Variants in NELL2 observed in about 807,000 individuals in gnomAD.
The protein encoded by NELL2 is protein kinase C-binding protein NELL2.
Under a neutral mutation model 109.6 loss-of-function variants are expected in NELL2, and 41 were observed. The ratio of observed to expected loss-of-function variants is 0.37; its 90% CI spans 0.29 to 0.49. The LOEUF (loss-of-function observed/expected upper bound fraction) is 0.49. NELL2 is among the 20% of genes least tolerant of loss of function. The pLI is 0.98. For missense variants in NELL2, 900 were observed against 1,008.3 expected (o/e 0.89, Z 1.45); for synonymous variants, 355 against 344.7 (o/e 1.03, Z -0.33).
intron 2 of NELL2, among the ~76,000 whole-genome samples, chr12:44,824,257 A>C (rs1297488416): frequency 6.6e-6 from 1 of 152,174 alleles, no homozygotes; most frequent in African/African-American, 2.4e-5. Flanking sequence ...TTAGTGCAGA[A>C]ACTTTTTAGT....
rs917630772 is a variant in NELL2, at chr12:44,570,128, T to C, written c.1663+37041A>G. 4.6e-5 allele frequency among the ~76,000 whole-genome samples: 7 copies of C among 152,348 alleles called. No homozygotes were observed. In the South Asian group the frequency reaches 1.4e-3, roughly 32 times the overall value. On this transcript the variant is annotated intron_variant, in intron 15 of 19. Transcript: ENST00000429094. ...TTAATGAAAAGGAAGCACAATGTGA[T>C]TGAGAATGTAATACGGAATTATAGT...
intron 15 of NELL2, among the ~76,000 whole-genome samples, chr12:44,564,290 T>C (rs1475379791): frequency 6.6e-6 from 1 of 152,168 alleles, no homozygotes; most frequent in Non-Finnish European, 1.5e-5. Flanking sequence ...TATTTTGTAA[T>C]GGGGCAGCAT....
intron 11 of NELL2, among the ~76,000 whole-genome samples, chr12:44,710,525 A>G (rs1455092788): frequency 2.6e-5 from 4 of 152,122 alleles, no homozygotes; most frequent in African/African-American, 9.7e-5. Context: ...AGGCACATAT[A>G]ATTTCATGAT....
At chr12:44,898,224 G>A (rs967863437) in intron 1 of NELL2, among the ~76,000 whole-genome samples, 1 of 151,720 alleles carries the variant, frequency 6.6e-6, no homozygotes, top group African/African-American at 2.4e-5. Flanking sequence ...TCTGAAGAGA[G>A]CAGCAGATCT....
intron 1 of NELL2, among the ~76,000 whole-genome samples, chr12:44,892,539 T>C (rs903903678): frequency 1.3e-5 from 2 of 152,230 alleles, no homozygotes; most frequent in South Asian, 4.1e-4. Flanking sequence ...GGCTCATGCC[T>C]GTAATCCCAG....
rs1942439376 is a variant in NELL2 at position 44,791,663 on chromosome 12, G to C, written c.336-11641C>G. The stretch of plus-strand genomic sequence containing the variant: ...ACTAAAAAAAAATAGTGGAGCTGGA[G>C]CTTTTGACTCTAATGTTTTGTACTT... On this transcript the variant is annotated intron_variant, in intron 3 of 19. Coordinates refer to ENST00000429094, the MANE Select transcript of NELL2 (RefSeq NM_001145108.2). Among the ~76,000 whole-genome samples, 4 of 151,992 alleles carry C rather than the reference G, an allele frequency of 2.6e-5. No homozygotes were observed. The South Asian group carries it at 8.3e-4, about 32-fold the overall frequency.
chr12:44,757,723 C>A (rs886789854), intron 9 of NELL2, among the ~76,000 whole-genome samples: 2 of 151,970 alleles, frequency 1.3e-5, no homozygotes, highest in African/African-American at 2.4e-5. Context: ...CAATGTTCAA[C>A]CTATAAATTC....
chr12:44,617,691 C>CAAAAAAAAAAAAAAA (rs975070930), intron 13 of NELL2, among the ~76,000 whole-genome samples: 225 of 22,246 alleles, frequency 0.01, 23 homozygotes, highest in African/African-American at 0.035. Flanking sequence ...GACTCCGTCT[C>CAAAAAAAAAAAAAAA]AAAAAAAAAA....
At chr12:44,891,507 T>C (rs1001765177) in intron 1 of NELL2, among the ~76,000 whole-genome samples, 1 of 152,238 alleles carries the variant, frequency 6.6e-6, no homozygotes, top group Admixed American at 6.5e-5. Flanking sequence ...CCTTACAAGT[T>C]AAGATCTTCC....
intron 9 of NELL2, among the ~76,000 whole-genome samples, chr12:44,735,682 AT>A (rs1323897748): frequency 1.3e-5 from 2 of 152,032 alleles, no homozygotes; most frequent in African/African-American, 2.4e-5. Flanking sequence ...AGTTCCACTG[AT>A]TTTTTTCACT....
intron 15 of NELL2, among the ~76,000 whole-genome samples, chr12:44,556,357 T>C (rs2136173982): frequency 6.6e-6 from 1 of 152,292 alleles, no homozygotes; most frequent in South Asian, 2.1e-4. Context: ...AGGCAGAGCT[T>C]GTCCTTGGGG....
intron 13 of NELL2, among the ~76,000 whole-genome samples, chr12:44,645,877 A>G (rs1947077111): frequency 6.6e-6 from 1 of 152,130 alleles, no homozygotes; most frequent in Non-Finnish European, 1.5e-5. Context: ...AGTATATTAT[A>G]GTATATTATA....
intron 3 of NELL2, among the ~76,000 whole-genome samples, chr12:44,784,532 A>C (rs1942088595): frequency 6.6e-6 from 1 of 152,184 alleles, no homozygotes; most frequent in Non-Finnish European, 1.5e-5. Context: ...TCATTTTATG[A>C]GGCCAGCATC....
chr12:44,538,956 A>C (rs989040063), intron 15 of NELL2, among the ~76,000 whole-genome samples: 2 of 152,042 alleles, frequency 1.3e-5, no homozygotes, highest in Non-Finnish European at 2.9e-5. Context: ...ATTGACTAAA[A>C]TGTTCTTTTT....
At chr12:44,796,887 T>C (rs1207045160) in intron 3 of NELL2, among the ~76,000 whole-genome samples, 1 of 151,910 alleles carries the variant, frequency 6.6e-6, no homozygotes, top group Non-Finnish European at 1.5e-5. Context: ...AAGGAAAAAA[T>C]GACCACTTGT....
At chr12:44,807,129 A>G (rs1943028196) in intron 3 of NELL2, among the ~76,000 whole-genome samples, 1 of 151,464 alleles carries the variant, frequency 6.6e-6, no homozygotes, top group African/African-American at 2.4e-5. Context: ...AATAACAACC[A>G]AATAATAAAC....
At chr12:44,729,034 A>G (rs73278145) in intron 9 of NELL2, among the ~76,000 whole-genome samples, 4,128 of 152,276 alleles carry the variant, frequency 0.027, 186 homozygotes, top group African/African-American at 0.093. Flanking sequence ...GAAAGTATAT[A>G]AAAGTACTTT....
At position 44,610,544 on chromosome 12, in the gene NELL2, A is replaced by G. The variant is rs562353507; in HGVS notation, c.1567+304T>C. 5.3e-5 allele frequency among the ~76,000 whole-genome samples: 8 copies of G among 152,190 alleles called. No homozygotes were observed. In the East Asian group the frequency reaches 1.4e-3, roughly 26 times the overall value. On this transcript the variant is annotated intron_variant, in intron 14 of 19. Coordinates refer to ENST00000429094, the MANE Select transcript of NELL2 (RefSeq NM_001145108.2). ...GACTTCCAAGATGGAGCAGTTCTCC[A>G]CAAAAATGCCCAGGATGTGGTGATG...
chr12:44,723,227 G>A (rs1256226336), intron 9 of NELL2, among the ~76,000 whole-genome samples: 2 of 151,880 alleles, frequency 1.3e-5, no homozygotes, highest in African/African-American at 4.8e-5. Context: ...TTGCATGCTA[G>A]ACGAGTTAAA....
Sources: allele counts gnomAD v4.1 joint callset (sites outside exome capture counted in the v4.1 genomes callset), GRCh38; gene constraint gnomAD v4.1.1; transcripts MANE v1.5; gene names NCBI Gene and HGNC (gene_info 2026-07-23, HGNC 2026-07-21).